The following NAV2 variants were observed in gnomAD, a reference collection of about 807,000 sequenced individuals.
NAV2 encodes neuron navigator 2.
In NAV2, 54 loss-of-function variants were observed where a neutral mutation model predicts 223.2. The ratio of observed to expected loss-of-function variants is 0.24; its 90% CI spans 0.19 to 0.30. NAV2 has a LOEUF of 0.30. Among genes scored for constraint, NAV2 ranks in the 10% least tolerant of loss-of-function variants. NAV2 has a pLI of 1.00. For synonymous variants in NAV2, 1,279 were observed against 1,239.3 expected, an observed-to-expected ratio of 1.03 and a Z score of -0.67; for missense variants, 2,806 against 3,147.5, an observed-to-expected ratio of 0.89 and a Z score of 2.60.
chr11:19,593,971 TAGCTC>T (rs2046132086), intron 1 of NAV2, among the ~76,000 whole-genome samples: 1 of 152,116 alleles, frequency 6.6e-6, no homozygotes, highest in Admixed American at 6.5e-5. Flanking sequence ...TTTGCACAAT[TAGCTC>T]AGTTAATCCT....
chr11:20,069,322 G>T (rs1305627495), intron 22 of NAV2, among the ~76,000 whole-genome samples: 2 of 152,106 alleles, frequency 1.3e-5, no homozygotes, highest in Non-Finnish European at 2.9e-5. Flanking sequence ...TGGAGGAGAG[G>T]TAAGGGTGGA....
chr11:19,602,766 CCTTCT>C (rs1026958355), intron 1 of NAV2, among the ~76,000 whole-genome samples: 1 of 152,164 alleles, frequency 6.6e-6, no homozygotes, highest in Non-Finnish European at 1.5e-5. Context: ...TATCTTCTCC[CCTTCT>C]CTTCTCTTCT....
intron 1 of NAV2, among the ~76,000 whole-genome samples, chr11:19,728,025 G>C (rs1030664379): frequency 2.0e-5 from 3 of 152,198 alleles, no homozygotes; most frequent in African/African-American, 7.2e-5. Context: ...GTCCAGACCT[G>C]GTCCTGAGCA....
intron 1 of NAV2, among the ~76,000 whole-genome samples, chr11:19,502,069 C>T (rs1046962072): frequency 6.6e-6 from 1 of 152,178 alleles, no homozygotes; most frequent in African/African-American, 2.4e-5. Context: ...CTGAGCCACA[C>T]ATAGTGGCCA....
chr11:20,023,098 T>C (rs1319335907), intron 11 of NAV2: 4 of 1,551,698 alleles, frequency 2.6e-6, no homozygotes, highest in Non-Finnish European at 2.6e-6. Context: ...AGGGCCGCAA[T>C]GTAGTGAAAT....
intron 1 of NAV2, among the ~76,000 whole-genome samples, chr11:19,559,909 G>A (rs888298398): frequency 4.6e-5 from 7 of 152,146 alleles, no homozygotes; most frequent in South Asian, 2.1e-4. Flanking sequence ...CCCTGGGGGC[G>A]GATAGATGGA....
At chr11:19,778,439 A>G (rs1437395768) in intron 1 of NAV2, 2 of 447,700 alleles carry the variant, frequency 4.5e-6, no homozygotes, top group African/African-American at 2.0e-5. Context: ...AGAAATAGGT[A>G]TGATTAATAA....
At chr11:20,095,129 C>T (rs535921727) in intron 29 of NAV2, among the ~76,000 whole-genome samples, 64 of 152,178 alleles carry the variant, frequency 4.2e-4, no homozygotes, top group African/African-American at 1.4e-3. Flanking sequence ...AATAGAAACA[C>T]ATTTTGTCCT....
intron 1 of NAV2, among the ~76,000 whole-genome samples, chr11:19,405,286 G>A (rs1473843209): frequency 6.6e-6 from 1 of 152,154 alleles, no homozygotes; most frequent in East Asian, 1.9e-4. Flanking sequence ...AACAAATAGG[G>A]AAGCAGATGT....
At chr11:19,747,045 C>T in intron 1 of NAV2, among the ~76,000 whole-genome samples, 2 of 77,204 alleles carry the variant, frequency 2.6e-5, no homozygotes, top group African/African-American at 4.5e-5. Context: ...CCTCTCCCCT[C>T]CCCCCACCCC....
intron 1 of NAV2, among the ~76,000 whole-genome samples, chr11:19,663,775 C>T (rs1300605575): frequency 6.6e-6 from 1 of 152,194 alleles, no homozygotes; most frequent in Non-Finnish European, 1.5e-5. Flanking sequence ...ATCTTGGATT[C>T]CATCAAAGTT....
intron 11 of NAV2, among the ~76,000 whole-genome samples, chr11:19,993,652 C>T (rs575520417): frequency 1.0e-3 from 156 of 152,138 alleles, no homozygotes; most frequent in Middle Eastern, 3.4e-3. Flanking sequence ...ATATCAGATG[C>T]CAGGCATTAT....
intron 2 of NAV2, among the ~76,000 whole-genome samples, chr11:19,836,943 A>G (rs1019815028): frequency 7.9e-5 from 12 of 152,152 alleles, no homozygotes; most frequent in Admixed American, 6.5e-4. Flanking sequence ...TTATAAGGAA[A>G]CTAATCCTGT....
intron 1 of NAV2, among the ~76,000 whole-genome samples, chr11:19,434,940 C>T (rs1851163141): frequency 6.7e-6 from 1 of 150,346 alleles, no homozygotes; most frequent in Non-Finnish European, 1.5e-5. Context: ...CACTGATATC[C>T]AGTTCTTTGA....
intron 1 of NAV2, among the ~76,000 whole-genome samples, chr11:19,601,321 G>C (rs919677644): frequency 3.3e-5 from 5 of 152,080 alleles, no homozygotes; most frequent in African/African-American, 1.2e-4. Flanking sequence ...CTTCTGCCTG[G>C]TCCAGTGATC....
chr11:19,777,782 C>T, intron 1 of NAV2: 1 of 442,330 alleles, frequency 2.3e-6, no homozygotes, highest in South Asian at 1.6e-5. Flanking sequence ...CCGTCCCTTC[C>T]ACCTACGAAT....
In NAV2 at chr11:20,102,897, G is replaced by A. The variant is rs184163844; in HGVS notation, c.6418-358G>A. Among the ~76,000 whole-genome samples, 62 of 152,284 alleles carry A rather than the reference G, an allele frequency of 4.1e-4. 1 individual carries two copies. Among genetic ancestry groups the A allele is most frequent in the Admixed American group, 3.7e-3 (56 of 15,306 alleles). On this transcript the variant is annotated intron_variant, in intron 32 of 37. Transcript: ENST00000349880. ...CACAGCACTACTCAGCATGACTTAA[G>A]TGTGTGTCTGGCTCCTCTGCTGCTC...
intron 1 of NAV2, among the ~76,000 whole-genome samples, chr11:19,371,546 C>A (rs1848470400): frequency 6.6e-6 from 1 of 152,156 alleles, no homozygotes; most frequent in Non-Finnish European, 1.5e-5. Context: ...GCTTTTCATT[C>A]ACTTGTTTGT....
At chr11:19,408,435 G>C (rs774216089) in intron 1 of NAV2, among the ~76,000 whole-genome samples, 1 of 152,194 alleles carries the variant, frequency 6.6e-6, no homozygotes, top group African/African-American at 2.4e-5. Flanking sequence ...TAGAAATATT[G>C]TATGTGGTTT....
Sources: allele counts gnomAD v4.1 joint callset (sites outside exome capture counted in the v4.1 genomes callset), GRCh38; gene constraint gnomAD v4.1.1; transcripts MANE v1.5; gene names NCBI Gene and HGNC (gene_info 2026-07-23, HGNC 2026-07-21).